The following HECTD3 variants were observed in gnomAD, a reference collection of about 807,000 sequenced individuals.
HECTD3 encodes E3 ubiquitin-protein ligase HECTD3.
HECTD3 carries 72 observed loss-of-function variants against 109.3 expected under a neutral mutation model. The ratio of observed to expected loss-of-function variants is 0.66; its 90% confidence interval spans 0.54 to 0.80. The LOEUF (loss-of-function observed/expected upper bound fraction) is 0.80. Ranked by LOEUF, HECTD3 falls within the 30% of genes least tolerant of loss-of-function variation. The pLI is 0.00. For missense variants in HECTD3, 1,041 were observed against 1,165.2 expected (o/e 0.89, Z 1.55); for synonymous variants, 481 against 471.8 (o/e 1.02, Z -0.25).
rs114215565 is a variant in HECTD3, at chr1:45,009,320, G to A, written c.989+49C>T. 3.6e-4 allele frequency: 553 copies of A among 1,556,386 alleles called. 1 individual carries two copies. In the African/African-American group the frequency reaches 6.8e-3, roughly 19 times the overall value. On this transcript the variant is annotated intron_variant, in intron 6 of 20. Coordinates refer to ENST00000372172, the MANE Select transcript of HECTD3 (RefSeq NM_024602.6). ...ACTCAAACTTAGGCTTTCAAGCTGGGCTAGGCTTGGAACATGCCCTACTTC... is the reference window on the plus strand; with the variant it reads ...ACTCAAACTTAGGCTTTCAAGCTGGACTAGGCTTGGAACATGCCCTACTTC...
At chr1:45,004,577 C>T (rs745478408) in intron 16 of HECTD3, 23 bp downstream of exon 16, 7 of 1,613,188 alleles carry the variant, frequency 4.3e-6, no homozygotes, top group Non-Finnish European at 5.9e-6. Flanking sequence ...AAGCTCTCTG[C>T]TCTACTAGCC....
Position 45,006,718 on chromosome 1 carries a change from G to A in HECTD3, c.1699C>T (p.Pro567Ser), listed in dbSNP as rs1309289064. 8 of 1,613,334 alleles carry A rather than the reference G, an allele frequency of 5.0e-6. No homozygotes were observed. In the East Asian group the frequency reaches 1.8e-4, roughly 36 times the overall value. Reference protein sequence around the residue: ...PSSADTPVPLPFFVRTANQGN... With the variant: ...PSSADTPVPLSFFVRTANQGN... ...TGGTTGGCTGTGCGTACAAAGAAGG[G>A]CAGGGGCACGGGGGTATCCGCTGAG... Residue 567 changes from proline to serine, a missense_variant, in exon 13 of 21, where the codon CCC (proline) becomes TCC (serine). Around this residue, in one of 2 missense-constraint regions of HECTD3, gnomAD observed 569 missense variants for 715.3 expected, o/e 0.80. Transcript: ENST00000372172. This position sits in a 1 kb window ranked among gnomAD's most constrained non-coding sequence, Gnocchi z 4.7.
At chr1:45,010,403 GCCC>G (rs1644777894) in intron 2 of HECTD3, 110 bp from the exon 3 acceptor site, 2 of 1,446,588 alleles carry the variant, frequency 1.4e-6, no homozygotes, top group Non-Finnish European at 1.9e-6. Context: ...CTCCCTCCGA[GCCC>G]CCTTCACGTC....
At position 45,009,462 on chromosome 1, in the gene HECTD3, T is replaced by C; in HGVS notation, c.896A>G (p.Asp299Gly). 1 of 1,614,078 alleles carries C rather than the reference T, an allele frequency of 6.2e-7. No homozygotes were observed. Among genetic ancestry groups the C allele is most frequent in the East Asian group, 2.2e-5 (1 of 44,892 alleles). Residue 299 changes from aspartate (D) to glycine (G), a missense_variant, in exon 6 of 21, where the codon GAT becomes GGT. Asp to Gly is a moderately conservative substitution (Grantham distance 94, BLOSUM62 -1). This residue lies in a region of HECTD3 where 472 missense variants were observed against 449.9 expected (regional missense o/e 1.05). Transcript: ENST00000372172. Reference sequence around the variant, plus strand: ...TGGCATAAAGTTGTCATCTGTGGTATCCACTGTGAGTAGCAGCTTCCTGAA... The same window carrying C: ...TGGCATAAAGTTGTCATCTGTGGTACCCACTGTGAGTAGCAGCTTCCTGAA... ...TIVKKLLLTV[D>G]TTDDNFMPKR...
chr1:45,011,152 G>A lies in HECTD3; in HGVS notation c.106C>T (p.Leu36=), dbSNP rs757912956. ...GGCACGAAAGCCAGCGCTGCTGGCA[G>A]CGGCCGCCCGGCGCGGAGGCTCCGC... ...AARSLRAGRP[L]PAALAFVPRE... is the part of the protein sequence containing the mutation. Residue 36 remains leucine, a synonymous_variant, in exon 1 of 21, where the codon CTG becomes TTG. Transcript: ENST00000372172. The A allele has an allele frequency of 1.1e-4, 158 of 1,502,998 alleles. No individual in the cohort carries two copies. In the Middle Eastern group the frequency reaches 1.3e-3, roughly 12 times the overall value. The allele number at this position is 1,502,998 out of a possible 1,614,324, so 93.1% of individuals were successfully genotyped here.
In HECTD3 at chr1:45,006,171, C is replaced by G. The variant is rs1351814915; in HGVS notation, c.1726-55G>C. The G allele has an allele frequency of 6.3e-7, 1 of 1,584,208 alleles. No homozygotes were observed. The highest frequency in any genetic ancestry group is 8.6e-7 in the Non-Finnish European group (1 of 1,158,936). On this transcript the variant is annotated intron_variant, in intron 13 of 20. Transcript: ENST00000372172. The surrounding 1 kb of genome is among the most constrained non-coding windows in gnomAD (Gnocchi z 4.7). ...CATGAGATACACCCTATTTTCCTGG[C>G]CCAAAGACTTCCCTGAACATTTTCC...
chr1:45,003,010 A>C lies in HECTD3; in HGVS notation c.*482T>G. On this transcript the variant is annotated 3_prime_UTR_variant, in exon 21 of 21. Coordinates refer to ENST00000372172, the MANE Select transcript of HECTD3 (RefSeq NM_024602.6). The surrounding 1 kb of genome is among the most constrained non-coding windows in gnomAD (Gnocchi z 4.7). ...GCTTCCTTCTTGGAGCAGGTGACCA[A>C]GGAGTTTGGCTATCACTCCCTGCCC... is the stretch of plus-strand genomic sequence containing the variant. 6.0e-6 allele frequency: 1 copy of C among 166,070 alleles called. No individual in the cohort carries two copies. Among genetic ancestry groups the C allele is most frequent in the Admixed American group, 5.5e-5 (1 of 18,040 alleles). The allele number at this position is 166,070 out of a possible 1,614,324, so 10.3% of individuals were successfully genotyped here. A position where few individuals can be genotyped will look rare whatever the true frequency, so the allele number is the denominator to read the frequency against.
In HECTD3 at chr1:45,004,754, T is replaced by C; in HGVS notation, c.1988A>G (p.Lys663Arg). 1 of 1,614,216 alleles carries C rather than the reference T, an allele frequency of 6.2e-7. No individual in the cohort carries two copies. Among genetic ancestry groups the C allele is most frequent in the Admixed American group, 1.7e-5 (1 of 60,028 alleles). ...GGTGAATGTTAGTTCCTTCCCAAACTTGAACTCAAACGTCTCCTTGTCCAT... is the reference window on the plus strand; with the variant it reads ...GGTGAATGTTAGTTCCTTCCCAAACCTGAACTCAAACGTCTCCTTGTCCAT... ...EGMDKETFEF[K>R]FGKELTFTTV... Residue 663 changes from lysine to arginine, a missense_variant, in exon 16 of 21, where the codon AAG becomes AGG. Physicochemically the swap from Lys to Arg is conservative, Grantham distance 26 (BLOSUM62 2). Coordinates refer to ENST00000372172, the MANE Select transcript of HECTD3 (RefSeq NM_024602.6).
chr1:45,004,465 A>G, intron 16 of HECTD3, 88 bp from the exon 17 acceptor site: 2 of 1,601,878 alleles, frequency 1.2e-6, no homozygotes, highest in Non-Finnish European at 1.7e-6. Flanking sequence ...TTTTAGCAGC[A>G]GAAAGGTGGC....
Position 45,003,780 on chromosome 1 carries a change from G to C in HECTD3, c.2430-40C>G, listed in dbSNP as rs769922443. On this transcript the variant is annotated intron_variant, in intron 19 of 20. Transcript: ENST00000372172. This position sits in a 1 kb window ranked among gnomAD's most constrained non-coding sequence, Gnocchi z 4.7. ...GGACCATAGGTCAGGAAGATGTGTT[G>C]GGGCACATGTACGTGTGTGGGGAGG... 1.9e-6 allele frequency: 3 copies of C among 1,612,424 alleles called. No individual in the cohort carries two copies. The African/African-American group carries it at 4.0e-5, about 22-fold the overall frequency.
At chr1:45,005,529 T>TA (rs1644727977) in intron 15 of HECTD3, 1 of 369,296 alleles carries the variant, frequency 2.7e-6, no homozygotes, top group Admixed American at 4.2e-5. Context: ...TCGGAGAAGA[T>TA]AAAGAACACA....
At chr1:45,008,453 A>G in intron 8 of HECTD3, 83 bp downstream of exon 8, 1 of 1,524,246 alleles carries the variant, frequency 6.6e-7, no homozygotes, top group Admixed American at 1.7e-5. Context: ...ATACTATGAG[A>G]CCTTGGGAAC....
Position 45,010,244 on chromosome 1 carries a change from G to A in HECTD3, c.580C>T (p.Pro194Ser), listed in dbSNP as rs1248652687. Residue 194 changes from proline to serine, a missense_variant, in exon 3 of 21, where the codon CCT becomes TCT. Around this residue, in one of 2 missense-constraint regions of HECTD3, gnomAD observed 472 missense variants for 449.9 expected, o/e 1.05. Transcript: ENST00000372172. ...LTYSHRLGSR[P>S]QPAEAYAEAV... ...TCTGCGTATGCCTCTGCCGGCTGAG[G>A]TCTCGATCCCAGGCGATGTGAGTAT... 3 of 1,613,872 alleles carry A rather than the reference G, an allele frequency of 1.9e-6. No homozygotes were observed. The highest frequency in any genetic ancestry group is 2.7e-5 in the African/African-American group (2 of 74,880).
chr1:45,005,725 G>C (rs1414596090), intron 15 of HECTD3, 69 bp downstream of exon 15: 2 of 1,262,366 alleles, frequency 1.6e-6, no homozygotes, highest in East Asian at 4.7e-5. Flanking sequence ...ACAAGGTACA[G>C]AACAGCCTTA....
In HECTD3 at chr1:45,011,296, C is replaced by T; in HGVS notation, c.-39G>A. ...AGGTGAGCACCTAGAGGCGACCCTG[C>T]CCGGGGAACAGCTGGCGCGACCGCG... On this transcript the variant is annotated 5_prime_UTR_variant, in exon 1 of 21. Transcript: ENST00000372172. The T allele has an allele frequency of 1.5e-6, 2 of 1,350,094 alleles. No homozygotes were observed. Among genetic ancestry groups the T allele is most frequent in the South Asian group, 1.8e-5 (1 of 55,558 alleles). The allele number at this position is 1,350,094 out of a possible 1,614,324, so 83.6% of individuals were successfully genotyped here.
At position 45,003,724 on chromosome 1, in the gene HECTD3, C is replaced by T. The variant is rs79450945; in HGVS notation, c.2446G>A (p.Ala816Thr). The T allele has an allele frequency of 1.5e-4, 250 of 1,613,978 alleles. 1 individual carries two copies. In the East Asian group the frequency reaches 4.3e-3, roughly 28 times the overall value. The change falls in exon 20 of 21, where the codon GCG becomes ACG. Residue 816 changes from alanine (A) to threonine (T), a missense_variant. By Grantham distance (58) the Ala-to-Thr change is moderately conservative. Coordinates refer to ENST00000372172, the MANE Select transcript of HECTD3 (RefSeq NM_024602.6). The surrounding 1 kb of genome is among the most constrained non-coding windows in gnomAD (Gnocchi z 4.7). Reference protein sequence around the residue: ...PDKLGYETTDALPESSTCSST... With the variant: ...PDKLGYETTDTLPESSTCSST... ...GAGCAAGTGGAAGACTCGGGCAGCGCGTCTGTGGTCTCGTAGCTGGGGGCA... is the reference window on the plus strand; with the variant it reads ...GAGCAAGTGGAAGACTCGGGCAGCGTGTCTGTGGTCTCGTAGCTGGGGGCA...
In HECTD3 at chr1:45,006,260, GC is replaced by G; in HGVS notation, c.1726-145del. ...ACAGTGGCTCCTCCTCTCCCTGTCTGCCCAGAGGTTGCCCTGAGCAACTCAG... is the reference window on the plus strand; with the variant it reads ...ACAGTGGCTCCTCCTCTCCCTGTCTGCCAGAGGTTGCCCTGAGCAACTCAG... On this transcript the variant is annotated intron_variant, in intron 13 of 20. Coordinates refer to ENST00000372172, the MANE Select transcript of HECTD3 (RefSeq NM_024602.6). This position sits in a 1 kb window ranked among gnomAD's most constrained non-coding sequence, Gnocchi z 4.7. 1 of 1,077,050 alleles carries G rather than the reference GC, an allele frequency of 9.3e-7. No homozygotes were observed. The highest frequency in any genetic ancestry group is 1.3e-6 in the Non-Finnish European group (1 of 744,114). 66.7% of individuals were successfully genotyped at this position (1,077,050 alleles called of 1,614,324 possible).
Position 45,006,926 on chromosome 1 carries a change from T to A in HECTD3, c.1621+25A>T. The A allele has an allele frequency of 6.2e-7, 1 of 1,611,318 alleles. No individual in the cohort carries two copies. Among genetic ancestry groups the A allele is most frequent in the Non-Finnish European group, 8.5e-7 (1 of 1,177,440 alleles). On this transcript the variant is annotated intron_variant, in intron 12 of 20. Coordinates refer to ENST00000372172, the MANE Select transcript of HECTD3 (RefSeq NM_024602.6). The surrounding 1 kb of genome is among the most constrained non-coding windows in gnomAD (Gnocchi z 4.7). ...TTTGATAGGGCAGCAAGCAGGACCC[T>A]TGAGATCCTCCCTCAGGGCCTCACC...
chr1:45,010,318 G>A (rs1214061069), intron 2 of HECTD3, 25 bp from the exon 3 acceptor site: 28 of 1,604,964 alleles, frequency 1.7e-5, no homozygotes, highest in Non-Finnish European at 2.3e-5. Flanking sequence ...TAGGGAGTGG[G>A]ATGGGGAGAC....
Sources: allele counts gnomAD v4.1 joint callset, GRCh38; gene constraint gnomAD v4.1.1; regional missense constraint gnomAD v4.1.1; non-coding constraint Gnocchi (gnomAD v3.1); transcripts MANE v1.5; gene names NCBI Gene and HGNC (gene_info 2026-07-23, HGNC 2026-07-21).